CLSTN2: variants seen among roughly 807,000 people sequenced by gnomAD.
The protein encoded by CLSTN2 is calsyntenin-2.
CLSTN2 carries 48 observed loss-of-function variants against 101.2 expected under a neutral mutation model. The observed-to-expected ratio is 0.47, with a 90% CI of 0.38 to 0.60. CLSTN2 has a LOEUF of 0.60. Among genes scored for constraint, CLSTN2 ranks in the 20% least tolerant of loss-of-function variants. The pLI is 0.00. For synonymous variants in CLSTN2, 481 were observed against 463.6 expected, an observed-to-expected ratio of 1.04 and a Z score of -0.48; for missense variants, 1,160 against 1,238.2, an observed-to-expected ratio of 0.94 and a Z score of 0.95.
chr3:140,029,247 G>A (rs1195066739), intron 1 of CLSTN2, among the ~76,000 whole-genome samples: 3 of 152,024 alleles, frequency 2.0e-5, no homozygotes. Context: ...TGAAAGTGTG[G>A]GTTGGCTTGA....
At chr3:140,209,738 G>A (rs1201836005) in intron 2 of CLSTN2, among the ~76,000 whole-genome samples, 1 of 152,048 alleles carries the variant, frequency 6.6e-6, no homozygotes, top group East Asian at 1.9e-4. Flanking sequence ...CACTCCCTTG[G>A]GCTAGAAACT....
At chr3:140,232,363 ACT>A (rs1005701861) in intron 2 of CLSTN2, among the ~76,000 whole-genome samples, 1 of 151,874 alleles carries the variant, frequency 6.6e-6, no homozygotes, top group African/African-American at 2.4e-5. Context: ...AATGTTAGCC[ACT>A]CTCTCCTGAT....
At chr3:140,130,779 A>G (rs1217076197) in intron 1 of CLSTN2, among the ~76,000 whole-genome samples, 1 of 152,130 alleles carries the variant, frequency 6.6e-6, no homozygotes, top group Non-Finnish European at 1.5e-5. Flanking sequence ...TCCTGTGTGT[A>G]TATTCCTGTG....
In CLSTN2 at chr3:139,956,736, G is replaced by A. The variant is rs192579054; in HGVS notation, c.109+21253G>A. Among the ~76,000 whole-genome samples the A allele has an allele frequency of 7.2e-5, 11 of 152,268 alleles. No homozygotes were observed. The East Asian group carries it at 2.1e-3, about 29-fold the overall frequency. On this transcript the variant is annotated intron_variant, in intron 1 of 16. Coordinates refer to ENST00000458420, the MANE Select transcript of CLSTN2 (RefSeq NM_022131.3). ...AATTTACATGACAAAAACTTTGAGT[G>A]CAATGCTGATTGTCATTCACCAGTA... is the stretch of plus-strand genomic sequence containing the variant.
At chr3:140,168,614 G>A (rs528196246) in intron 1 of CLSTN2, among the ~76,000 whole-genome samples, 6 of 152,048 alleles carry the variant, frequency 3.9e-5, no homozygotes, top group African/African-American at 1.4e-4. Context: ...TTATTTTAAA[G>A]GTTTTATAAT....
rs879327041 is a variant in CLSTN2 at position 140,573,262 on chromosome 3, C to CTGTT, written c.*7017_*7020dup. 4.6e-5 allele frequency: 7 copies of CTGTT among 152,214 alleles called. No individual in the cohort carries two copies. The highest frequency in any genetic ancestry group is 1.7e-4 in the African/African-American group (7 of 41,458). The allele number at this position is 152,214 out of a possible 1,614,324, so 9.4% of individuals were successfully genotyped here. Reference sequence around the variant, plus strand: ...GTTGCCAGGTTGCCGCAGCACTGCTCTGTTTGTTTGTAATGAGACTGGGGC... The same window carrying CTGTT: ...GTTGCCAGGTTGCCGCAGCACTGCTCTGTTTGTTTGTTTGTAATGAGACTGGGGC... On this transcript the variant is annotated 3_prime_UTR_variant, in exon 17 of 17. Coordinates refer to ENST00000458420, the MANE Select transcript of CLSTN2 (RefSeq NM_022131.3).
At chr3:140,420,578 T>A (rs2088491221) in intron 4 of CLSTN2, among the ~76,000 whole-genome samples, 1 of 152,226 alleles carries the variant, frequency 6.6e-6, no homozygotes, top group Non-Finnish European at 1.5e-5. Context: ...GGGCGAAAAG[T>A]GTGTTATTCT....
At chr3:140,328,351 C>T (rs560766390) in intron 2 of CLSTN2, among the ~76,000 whole-genome samples, 41 of 152,350 alleles carry the variant, frequency 2.7e-4, no homozygotes, top group African/African-American at 9.9e-4. Flanking sequence ...CAGACTCACC[C>T]TCCACACAGA....
chr3:140,104,664 C>A (rs2009022638), intron 1 of CLSTN2, among the ~76,000 whole-genome samples: 1 of 152,120 alleles, frequency 6.6e-6, no homozygotes, highest in Non-Finnish European at 1.5e-5. Flanking sequence ...GTGTTGCTGA[C>A]AAATAAAAAA....
intron 2 of CLSTN2, among the ~76,000 whole-genome samples, chr3:140,392,027 A>G (rs549514748): frequency 4.6e-5 from 7 of 152,188 alleles, no homozygotes; most frequent in African/African-American, 1.7e-4. Context: ...AAACAATGCC[A>G]AGAAAACAAA....
intron 1 of CLSTN2, among the ~76,000 whole-genome samples, chr3:140,011,358 G>A (rs1243295530): frequency 1.3e-5 from 2 of 152,152 alleles, no homozygotes; most frequent in Non-Finnish European, 2.9e-5. Context: ...AGCAGCAAAG[G>A]GTAGGGGGAG....
At chr3:140,468,376 C>T (rs1319848210) in intron 8 of CLSTN2, among the ~76,000 whole-genome samples, 1 of 152,090 alleles carries the variant, frequency 6.6e-6, no homozygotes, top group African/African-American at 2.4e-5. Context: ...TTGATGCAGG[C>T]AAATGAAGCC....
At chr3:140,313,280 C>CTAT (rs2087192636) in intron 2 of CLSTN2, among the ~76,000 whole-genome samples, 2 of 152,236 alleles carry the variant, frequency 1.3e-5, no homozygotes, top group African/African-American at 4.8e-5. Flanking sequence ...AAATTAGAGA[C>CTAT]TATTAGTTCC....
At chr3:140,304,348 G>A (rs2087090779) in intron 2 of CLSTN2, among the ~76,000 whole-genome samples, 1 of 152,184 alleles carries the variant, frequency 6.6e-6, no homozygotes, top group Non-Finnish European at 1.5e-5. Flanking sequence ...TAAACAATAG[G>A]AATTTATTTC....
chr3:140,097,422 C>A (rs1015628448), intron 1 of CLSTN2, among the ~76,000 whole-genome samples: 4 of 152,136 alleles, frequency 2.6e-5, no homozygotes, highest in African/African-American at 9.7e-5. Flanking sequence ...ATTTTTCTTG[C>A]GATCACCTTG....
At chr3:140,227,698 G>A (rs1280216276) in intron 2 of CLSTN2, among the ~76,000 whole-genome samples, 2 of 152,210 alleles carry the variant, frequency 1.3e-5, no homozygotes, top group Admixed American at 6.5e-5. Context: ...GGGCATCCAG[G>A]TGTTTCCATG....
At chr3:140,158,728 C>T (rs1023557247) in intron 1 of CLSTN2, among the ~76,000 whole-genome samples, 5 of 152,120 alleles carry the variant, frequency 3.3e-5, no homozygotes, top group African/African-American at 4.8e-5. Flanking sequence ...ATAACCAAAG[C>T]AATCCTAAGG....
At chr3:140,035,231 C>T (rs2007631546) in intron 1 of CLSTN2, among the ~76,000 whole-genome samples, 1 of 152,218 alleles carries the variant, frequency 6.6e-6, no homozygotes, top group African/African-American at 2.4e-5. Context: ...TGTAGGAATT[C>T]TGATCAGTCC....
chr3:140,316,200 GCAGT>G (rs746551560), intron 2 of CLSTN2, among the ~76,000 whole-genome samples: 20 of 152,294 alleles, frequency 1.3e-4, no homozygotes, highest in Non-Finnish European at 2.8e-4. Flanking sequence ...TTCAGTGCAA[GCAGT>G]GAGGTGAAGG....
Sources: allele counts gnomAD v4.1 joint callset (sites outside exome capture counted in the v4.1 genomes callset), GRCh38; gene constraint gnomAD v4.1.1; transcripts MANE v1.5; gene names NCBI Gene and HGNC (gene_info 2026-07-23, HGNC 2026-07-21).